The following AKAP19 variants were observed in gnomAD, a reference collection of about 807,000 sequenced individuals.
The protein encoded by AKAP19 is small A-kinase anchoring protein.
chr2:190,178,479 T>C, the AKAP19 span, among the ~76,000 whole-genome samples: 1 of 152,158 alleles, frequency 6.6e-6, no homozygotes, highest in Non-Finnish European at 1.5e-5. This position sits in a 1 kb window ranked among gnomAD's most constrained non-coding sequence, Gnocchi z 6.3. Flanking sequence ...TTGTCCCTCC[T>C]GCTCTACTCT....
At chr2:189,978,920 T>C in the AKAP19 span, among the ~76,000 whole-genome samples, 1 of 151,942 alleles carries the variant, frequency 6.6e-6, no homozygotes, top group African/African-American at 2.4e-5. Context: ...CAAACACTGA[T>C]GAAAGAAATC....
At chr2:190,109,951 C>A in the AKAP19 span, among the ~76,000 whole-genome samples, 1 of 152,154 alleles carries the variant, frequency 6.6e-6, no homozygotes, top group East Asian at 1.9e-4. Flanking sequence ...ATCAGGATCA[C>A]CTGGAATGTT....
chr2:190,026,848 T>C, the AKAP19 span, among the ~76,000 whole-genome samples: 2 of 152,176 alleles, frequency 1.3e-5, no homozygotes, highest in African/African-American at 4.8e-5. Context: ...AAATGAATAT[T>C]TGGAGCATTT....
the AKAP19 span, among the ~76,000 whole-genome samples, chr2:189,915,487 G>A: frequency 6.6e-6 from 1 of 151,920 alleles, no homozygotes; most frequent in East Asian, 1.9e-4. Flanking sequence ...AAAAAACTGG[G>A]ACCTAGAGAT....
the AKAP19 span, among the ~76,000 whole-genome samples, chr2:189,944,164 A>T: frequency 1.3e-5 from 2 of 152,148 alleles, no homozygotes; most frequent in Non-Finnish European, 2.9e-5. Flanking sequence ...CCATGCCCAG[A>T]TCTCACGTTG....
At chr2:190,051,957 C>T in the AKAP19 span, among the ~76,000 whole-genome samples, 11 of 151,980 alleles carry the variant, frequency 7.2e-5, no homozygotes, top group Non-Finnish European at 1.5e-5. Flanking sequence ...CCTGCCTCAG[C>T]CTCCTCAGTA....
the AKAP19 span, among the ~76,000 whole-genome samples, chr2:190,148,566 G>T: frequency 6.6e-6 from 1 of 152,206 alleles, no homozygotes; most frequent in African/African-American, 2.4e-5. Flanking sequence ...TTGTGGAATA[G>T]TGTCAAAAGG....
the AKAP19 span, among the ~76,000 whole-genome samples, chr2:189,960,686 T>C: frequency 2.0e-5 from 3 of 152,276 alleles, no homozygotes; most frequent in Admixed American, 6.5e-5. Flanking sequence ...ACACTGTATT[T>C]TTTTTTTAAA....
the AKAP19 span, among the ~76,000 whole-genome samples, chr2:190,167,284 TA>T: frequency 3.9e-5 from 6 of 152,172 alleles, no homozygotes; most frequent in Non-Finnish European, 8.8e-5. Flanking sequence ...TCATGAGACT[TA>T]CCACGAGAAC....
At chr2:189,988,916 C>T in the AKAP19 span, among the ~76,000 whole-genome samples, 2 of 152,150 alleles carry the variant, frequency 1.3e-5, no homozygotes. Flanking sequence ...TCTCTTTCTT[C>T]TTCCTTTGGA....
the AKAP19 span, among the ~76,000 whole-genome samples, chr2:190,109,592 G>A: frequency 1.3e-5 from 2 of 152,036 alleles, no homozygotes; most frequent in Non-Finnish European, 2.9e-5. Flanking sequence ...TAAGCAGGAA[G>A]AGGACCTTCC....
At chr2:190,034,856 CAAAAAAAA>C in the AKAP19 span, among the ~76,000 whole-genome samples, 24 of 68,610 alleles carry the variant, frequency 3.5e-4, no homozygotes, top group South Asian at 1.8e-3. Context: ...CCTGTCTCAC[CAAAAAAAA>C]AAAAAAAAAA....
the AKAP19 span, among the ~76,000 whole-genome samples, chr2:190,001,315 CG>C: frequency 6.6e-6 from 1 of 152,028 alleles, no homozygotes; most frequent in Non-Finnish European, 1.5e-5. Flanking sequence ...AATACAGTAT[CG>C]GGAGTACCAT....
chr2:190,200,264 G>GATAATGTCACTATTAT, the AKAP19 span: 1 of 808,578 alleles, frequency 1.2e-6, no homozygotes, highest in Non-Finnish European at 2.0e-6. Flanking sequence ...ATGTGTCTAC[G>GATAATGTCACTATTAT]ATAATGTCAC....
chr2:190,036,390 T>C, the AKAP19 span, among the ~76,000 whole-genome samples: 1 of 151,720 alleles, frequency 6.6e-6, no homozygotes, highest in Non-Finnish European at 1.5e-5. Context: ...CTTACAAGAC[T>C]GCAGATCCCA....
At chr2:189,879,972 T>C in the AKAP19 span, 1 of 152,334 alleles carries the variant, frequency 6.6e-6, no homozygotes, top group African/African-American at 2.4e-5. Flanking sequence ...TAGCCATCTA[T>C]GGTCTGGCCA....
the AKAP19 span, among the ~76,000 whole-genome samples, chr2:189,940,587 CAA>C: frequency 6.7e-6 from 1 of 150,118 alleles, no homozygotes; most frequent in African/African-American, 2.4e-5. Context: ...AGAAAGCTTT[CAA>C]AAAAAAACAC....
At chr2:189,996,311 T>C in the AKAP19 span, among the ~76,000 whole-genome samples, 1 of 152,184 alleles carries the variant, frequency 6.6e-6, no homozygotes, top group Non-Finnish European at 1.5e-5. Flanking sequence ...TTCTTTGTCT[T>C]TGTCTGATCG....
chr2:189,905,679 T>C, the AKAP19 span, among the ~76,000 whole-genome samples: 1 of 152,066 alleles, frequency 6.6e-6, no homozygotes, highest in African/African-American at 2.4e-5. Flanking sequence ...CATATGAATT[T>C]CCAAGCTCTC....
Sources: gnomAD v4.1 joint callset for allele counts (sites outside exome capture counted in the v4.1 genomes callset) on GRCh38, gnomAD v4.1.1 for gene constraint, Gnocchi (gnomAD v3.1) non-coding constraint, MANE v1.5 for transcripts, NCBI Gene and HGNC (gene_info 2026-07-23, HGNC 2026-07-21) for gene names.